PIGU: variants seen among roughly 807,000 people sequenced by gnomAD.
PIGU encodes the protein GPI-anchor transamidase component PIGU.
In PIGU, 24 loss-of-function variants were observed where a neutral mutation model predicts 49.9. The observed-to-expected ratio is 0.48, with a 90% CI of 0.35 to 0.68. The LOEUF is 0.68. PIGU is among the 30% of genes least tolerant of loss of function. The pLI, the probability that PIGU is intolerant of heterozygous loss-of-function variation, is 0.01. For synonymous variants in PIGU, 220 were observed against 205.7 expected (o/e 1.07, Z -0.59); for missense variants, 490 against 532.6 (o/e 0.92, Z 0.79).
intron 7 of PIGU, among the ~76,000 whole-genome samples, chr20:34,593,704 A>G (rs969648937): frequency 3.3e-5 from 5 of 152,240 alleles, no homozygotes; most frequent in Non-Finnish European, 5.9e-5. Flanking sequence ...CACACCATTC[A>G]CAAGAATAAA....
chr20:34,615,823 T>C (rs1984983243), intron 7 of PIGU, among the ~76,000 whole-genome samples: 1 of 152,208 alleles, frequency 6.6e-6, no homozygotes, highest in Non-Finnish European at 1.5e-5. Context: ...CTTTAGAACA[T>C]ATCCCCTGCA....
At chr20:34,658,157 T>G (rs1185415028) in intron 1 of PIGU, among the ~76,000 whole-genome samples, 1 of 152,238 alleles carries the variant, frequency 6.6e-6, no homozygotes, top group African/African-American at 2.4e-5. Flanking sequence ...CACGCCTGAC[T>G]GGTTTTCGTA....
At chr20:34,604,647 T>C (rs1371914842) in intron 7 of PIGU, among the ~76,000 whole-genome samples, 2 of 151,556 alleles carry the variant, frequency 1.3e-5, no homozygotes, top group Non-Finnish European at 2.9e-5. Context: ...GAAGAAAAAA[T>C]AAGGTGTGAA....
intron 1 of PIGU, among the ~76,000 whole-genome samples, chr20:34,664,567 C>T (rs1987027863): frequency 6.6e-6 from 1 of 151,906 alleles, no homozygotes; most frequent in South Asian, 2.1e-4. Context: ...ATTTGGGAGG[C>T]TAAGGTAGAA....
chr20:34,560,998 T>C lies in PIGU; in HGVS notation c.1195-19A>G, dbSNP rs1982476075. 1 of 1,538,680 alleles carries C rather than the reference T, an allele frequency of 6.5e-7. No homozygotes were observed. Among genetic ancestry groups the C allele is most frequent in the Admixed American group, 1.7e-5 (1 of 58,532 alleles). On this transcript the variant is annotated intron_variant, in intron 11 of 11. Coordinates refer to ENST00000217446, the MANE Select transcript of PIGU (RefSeq NM_080476.5). ...GCAGGATCTGGGGGGAGAGAGAGGGTGTGAGGCGCTGCTGGGTACCTCCCC... is the reference window on the plus strand; with the variant it reads ...GCAGGATCTGGGGGGAGAGAGAGGGCGTGAGGCGCTGCTGGGTACCTCCCC...
intron 2 of PIGU, among the ~76,000 whole-genome samples, chr20:34,645,717 A>G (rs549130112): frequency 1.8e-3 from 274 of 151,992 alleles, no homozygotes; most frequent in Non-Finnish European, 3.0e-3. Context: ...AACACGGTAA[A>G]ACCCCCGTCT....
intron 2 of PIGU, among the ~76,000 whole-genome samples, chr20:34,652,979 T>TTC: frequency 6.6e-6 from 1 of 151,954 alleles, no homozygotes; most frequent in African/African-American, 2.4e-5. Flanking sequence ...GTTGGGTTTT[T>TTC]TTTTTTTTTT....
In PIGU at chr20:34,560,894, C is replaced by G; in HGVS notation, c.1280G>C (p.Gly427Ala). The change falls in exon 12 of 12, where the codon GGC becomes GCC. Residue 427 changes from glycine to alanine, a missense_variant. By Grantham distance (60) the Gly-to-Ala change is moderately conservative. Coordinates refer to ENST00000217446, the MANE Select transcript of PIGU (RefSeq NM_080476.5). ...THGLYLTAKD[G>A]TEAMLVLK Reference sequence around the variant, plus strand: ...CTTGAGCACGAGCATGGCCTCTGTGCCATCCTTGGCGGTCAAGTAGAGGCC... The same window carrying G: ...CTTGAGCACGAGCATGGCCTCTGTGGCATCCTTGGCGGTCAAGTAGAGGCC... 4 of 1,611,568 alleles carry G rather than the reference C, an allele frequency of 2.5e-6. No individual in the cohort carries two copies. Among genetic ancestry groups the G allele is most frequent in the Non-Finnish European group, 3.4e-6 (4 of 1,178,428 alleles).
chr20:34,610,159 CT>C (rs1984760044), intron 7 of PIGU, among the ~76,000 whole-genome samples: 1 of 152,166 alleles, frequency 6.6e-6, no homozygotes, highest in Admixed American at 6.5e-5. Flanking sequence ...CAAGGATGCC[CT>C]CTCTTACCAC....
chr20:34,658,714 T>C (rs999346097), intron 1 of PIGU, among the ~76,000 whole-genome samples: 5 of 144,792 alleles, frequency 3.5e-5, no homozygotes, highest in Non-Finnish European at 6.0e-5. Flanking sequence ...ACCCTCTGCC[T>C]GACAACCGCC....
chr20:34,655,452 A>C lies in PIGU; in HGVS notation c.195+1728T>G, dbSNP rs543619914. Among the ~76,000 whole-genome samples, 3 of 122,398 alleles carry C rather than the reference A, an allele frequency of 2.5e-5. 1 individual carries two copies. The East Asian group carries it at 7.5e-4, about 31-fold the overall frequency. The allele number at this position is 122,398 out of a possible 152,430, so 80.3% of individuals were successfully genotyped here. A position where few individuals can be genotyped will look rare whatever the true frequency, so the allele number is the denominator to read the frequency against. The stretch of plus-strand genomic sequence containing the variant: ...TTTGGGAGGCCAAGGCAGGCGGATC[A>C]CGAAGTCAGGAGTTTGAGAGCATCC... On this transcript the variant is annotated intron_variant, in intron 2 of 11. Transcript: ENST00000217446.
intron 10 of PIGU, among the ~76,000 whole-genome samples, chr20:34,578,696 G>A (rs934184136): frequency 1.3e-5 from 2 of 152,216 alleles, no homozygotes; most frequent in African/African-American, 4.8e-5. Context: ...GGCCTGTGGT[G>A]ACCTCTGCAG....
chr20:34,641,054 C>T (rs531381684), intron 4 of PIGU, among the ~76,000 whole-genome samples: 35 of 152,146 alleles, frequency 2.3e-4, no homozygotes, highest in Non-Finnish European at 3.4e-4. Flanking sequence ...CCACCGCGCC[C>T]GGCTAATTTT....
intron 8 of PIGU, among the ~76,000 whole-genome samples, 185 bp from the exon 9 acceptor site, chr20:34,585,765 G>C (rs1438507027): frequency 6.6e-6 from 1 of 152,132 alleles, no homozygotes; most frequent in Non-Finnish European, 1.5e-5. Context: ...AAAATGAGCA[G>C]AGACATATAA....
intron 4 of PIGU, chr20:34,643,800 C>CAA (rs749414414): frequency 0.035 from 1,534 of 44,396 alleles, 72 homozygotes; most frequent in African/African-American, 0.088. Flanking sequence ...TCTTCCTATG[C>CAA]AAAAAAAAAA....
chr20:34,632,117 A>C (rs1985801387), intron 6 of PIGU, among the ~76,000 whole-genome samples: 1 of 151,842 alleles, frequency 6.6e-6, no homozygotes, highest in African/African-American at 2.4e-5. Flanking sequence ...CTAGGATTAC[A>C]GGCTTGAGCC....
At chr20:34,610,805 A>G (rs1984784216) in intron 7 of PIGU, among the ~76,000 whole-genome samples, 1 of 152,230 alleles carries the variant, frequency 6.6e-6, no homozygotes, top group African/African-American at 2.4e-5. Flanking sequence ...ACTTCAAACG[A>G]TACTGCAAGG....
At chr20:34,566,657 A>G (rs1311732298) in intron 11 of PIGU, among the ~76,000 whole-genome samples, 2 of 152,172 alleles carry the variant, frequency 1.3e-5, no homozygotes, top group Non-Finnish European at 2.9e-5. Context: ...TAGGGCTGAC[A>G]ATGCCTACTT....
At chr20:34,622,303 G>A (rs922064839) in intron 6 of PIGU, among the ~76,000 whole-genome samples, 17 of 152,074 alleles carry the variant, frequency 1.1e-4, no homozygotes, top group African/African-American at 3.6e-4. Flanking sequence ...TGGATCACAA[G>A]GTCAGGAGTT....
Sources: gnomAD v4.1 joint callset for allele counts (sites outside exome capture counted in the v4.1 genomes callset) on GRCh38, gnomAD v4.1.1 for gene constraint, MANE v1.5 for transcripts, NCBI Gene and HGNC (gene_info 2026-07-23, HGNC 2026-07-21) for gene names.